The following TCAIM variants were observed in gnomAD, a reference collection of about 807,000 sequenced individuals.
The protein encoded by TCAIM is T cell activation inhibitor, mitochondrial, also known as T-cell activation inhibitor, mitochondrial.
A neutral mutation model predicts 58.6 loss-of-function variants in TCAIM; 36 were observed. The observed-to-expected ratio is 0.61, with a 90% CI of 0.47 to 0.81. The LOEUF (loss-of-function observed/expected upper bound fraction) is 0.81, where lower values mean the gene tolerates loss of function less well. TCAIM is among the 30% of genes least tolerant of loss of function. TCAIM has a pLI of 0.00. For synonymous variants in TCAIM, 172 were observed against 193.6 expected (o/e 0.89, Z 0.93); for missense variants, 466 against 579.6 (o/e 0.80, Z 2.01).
At chr3:44,396,653 A>C (rs1701940049) in intron 7 of TCAIM, 90 bp from the exon 8 acceptor site, 20 of 1,474,802 alleles carry the variant, frequency 1.4e-5, no homozygotes, top group Non-Finnish European at 1.7e-5. Flanking sequence ...GCTTCTACTG[A>C]ATTTAATCCT....
At chr3:44,405,125 G>C (rs989651780) in intron 10 of TCAIM, among the ~76,000 whole-genome samples, 9 of 152,114 alleles carry the variant, frequency 5.9e-5, no homozygotes, top group Admixed American at 1.3e-4. Context: ...TCCTTTGGAG[G>C]CTGGTGATAA....
chr3:44,396,405 A>G lies in TCAIM; in HGVS notation c.701A>G (p.Gln234Arg). Residue 234 changes from glutamine to arginine, a missense_variant, in exon 7 of 11, where the codon CAG (glutamine) becomes CGG (arginine). Physicochemically the swap from Gln to Arg is conservative, Grantham distance 43. Transcript: ENST00000342649. ...TGTGTGCTCTGTTGGCCTAGGTGGC[A>G]GAGGAGCTGGGGCATCGCCCACCGC... The part of the protein sequence containing the change: ...HQLQLSDIRW[Q>R]RSWGIAHRCS... 6.2e-7 allele frequency: 1 copy of G among 1,612,958 alleles called. No homozygotes were observed. The highest frequency in any genetic ancestry group is 8.5e-7 in the Non-Finnish European group (1 of 1,179,668).
intron 5 of TCAIM, among the ~76,000 whole-genome samples, chr3:44,392,493 T>C (rs1233216425): frequency 6.6e-6 from 1 of 152,210 alleles, no homozygotes; most frequent in Non-Finnish European, 1.5e-5. Context: ...TGCCTTCAAG[T>C]GGGTCCCAGT....
At chr3:44,407,213 TAACA>T (rs1158676103) in intron 10 of TCAIM, among the ~76,000 whole-genome samples, 4 of 152,204 alleles carry the variant, frequency 2.6e-5, no homozygotes, top group Non-Finnish European at 4.4e-5. Context: ...CTAAAAACAT[TAACA>T]AATACTTTTA....
At chr3:44,370,292 T>C (rs1391995281) in intron 5 of TCAIM, among the ~76,000 whole-genome samples, 1 of 151,986 alleles carries the variant, frequency 6.6e-6, no homozygotes, top group African/African-American at 2.4e-5. Flanking sequence ...AAACCCCGTC[T>C]CTACTAAAAA....
rs1702133715 is a variant in TCAIM at position 44,408,430 on chromosome 3, T to TTG, written c.*749_*750dup. ...GAAAGACTAGAAGGACTAAAAGCAG[T>TTG]TGAATGTATGGTACTGACATTGTCA... is the stretch of plus-strand genomic sequence containing the variant. On this transcript the variant is annotated 3_prime_UTR_variant, in exon 11 of 11. Coordinates refer to ENST00000342649, the MANE Select transcript of TCAIM (RefSeq NM_173826.4). 6.6e-6 allele frequency: 1 copy of TTG among 152,212 alleles called. No individual in the cohort carries two copies. Among genetic ancestry groups the TTG allele is most frequent in the South Asian group, 2.1e-4 (1 of 4,830 alleles). 9.4% of individuals were successfully genotyped at this position (152,212 alleles called of 1,614,324 possible).
At chr3:44,399,041 A>G (rs992817656) in intron 8 of TCAIM, among the ~76,000 whole-genome samples, 4 of 152,208 alleles carry the variant, frequency 2.6e-5, no homozygotes, top group Admixed American at 6.5e-5. Flanking sequence ...TGTCAGTGCT[A>G]TAAACGGGAT....
intron 4 of TCAIM, among the ~76,000 whole-genome samples, chr3:44,363,273 T>C (rs539748501): frequency 6.6e-5 from 10 of 152,348 alleles, no homozygotes; most frequent in African/African-American, 2.4e-4. Flanking sequence ...TGTTTTGATT[T>C]GTATACCACA....
intron 4 of TCAIM, among the ~76,000 whole-genome samples, chr3:44,366,816 G>A (rs1018473729): frequency 6.6e-6 from 1 of 151,876 alleles, no homozygotes; most frequent in Non-Finnish European, 1.5e-5. Flanking sequence ...TGGTCAGGCT[G>A]GTCTCAAACT....
At chr3:44,343,234 T>C (rs1039618989) in intron 1 of TCAIM, among the ~76,000 whole-genome samples, 5 of 152,108 alleles carry the variant, frequency 3.3e-5, no homozygotes, top group Admixed American at 6.5e-5. Flanking sequence ...GAAGGTAACG[T>C]AACTTGCCCT....
At chr3:44,361,247 C>T (rs1394915214) in intron 3 of TCAIM, 118 bp from the exon 4 acceptor site, 3 of 907,850 alleles carry the variant, frequency 3.3e-6, no homozygotes, top group African/African-American at 1.7e-5. Flanking sequence ...GAAATCCCAA[C>T]ATTTTTAAAT....
intron 6 of TCAIM, among the ~76,000 whole-genome samples, chr3:44,395,637 TA>T (rs1247106121): frequency 6.6e-6 from 1 of 152,178 alleles, no homozygotes; most frequent in East Asian, 1.9e-4. Flanking sequence ...TATTAATTTA[TA>T]AAATGAGCAG....
At chr3:44,399,763 C>T (rs1701993564) in intron 8 of TCAIM, among the ~76,000 whole-genome samples, 1 of 152,152 alleles carries the variant, frequency 6.6e-6, no homozygotes, top group African/African-American at 2.4e-5. Flanking sequence ...CCTGAACCTC[C>T]TCTGTATCCA....
chr3:44,339,179 C>G (rs1358720031), intron 1 of TCAIM, among the ~76,000 whole-genome samples: 1 of 152,024 alleles, frequency 6.6e-6, no homozygotes, highest in African/African-American at 2.4e-5. Flanking sequence ...TGCTCTTTTT[C>G]TTTGCCTTTT....
intron 5 of TCAIM, among the ~76,000 whole-genome samples, chr3:44,387,733 G>T (rs373126133): frequency 1.3e-5 from 2 of 152,182 alleles, no homozygotes; most frequent in African/African-American, 4.8e-5. Context: ...GGCCAAGTGG[G>T]CAGAATGAGC....
intron 6 of TCAIM, among the ~76,000 whole-genome samples, chr3:44,394,788 G>A (rs1188511842): frequency 6.7e-6 from 1 of 148,694 alleles, no homozygotes; most frequent in African/African-American, 2.5e-5. Flanking sequence ...CAGCTACTCA[G>A]GAGGCTGAGG....
In TCAIM at chr3:44,357,741, G is replaced by A; in HGVS notation, c.30G>A (p.Arg10=). 6.2e-7 allele frequency: 1 copy of A among 1,613,896 alleles called. No individual in the cohort carries two copies. The highest frequency in any genetic ancestry group is 8.5e-7 in the Non-Finnish European group (1 of 1,179,946). Residue 10 remains arginine, a splice_region_variant and synonymous_variant, in exon 3 of 11, where the codon AGG becomes AGA. Coordinates refer to ENST00000342649, the MANE Select transcript of TCAIM (RefSeq NM_173826.4). ...TAACCAGTCCACATCTTTTTAAAAG[G>A]TTATGTCTAGAGAAGATATTTCCAC... MFCHLRPMR[R]LCLEKIFPHW...
chr3:44,352,566 C>G (rs540532749), intron 1 of TCAIM, among the ~76,000 whole-genome samples: 11 of 152,260 alleles, frequency 7.2e-5, no homozygotes, highest in African/African-American at 2.6e-4. Flanking sequence ...CGCATAACCT[C>G]CCTCACTATC....
rs1036508672 is a variant in TCAIM at position 44,346,634 on chromosome 3, G to A, written c.-45+7800G>A. 7.2e-5 allele frequency among the ~76,000 whole-genome samples: 11 copies of A among 152,184 alleles called. No homozygotes were observed. In the South Asian group the frequency reaches 1.9e-3, roughly 26 times the overall value. On this transcript the variant is annotated intron_variant, in intron 1 of 10. Transcript: ENST00000342649. ...GAGAGATTCTAAGAGGCACGCTAGC[G>A]GCTTGTAATCTACATGGAAGTTATG...
Sources: gnomAD v4.1 joint callset for allele counts (sites outside exome capture counted in the v4.1 genomes callset) on GRCh38, gnomAD v4.1.1 for gene constraint, MANE v1.5 for transcripts, NCBI Gene and HGNC (gene_info 2026-07-23, HGNC 2026-07-21) for gene names.